TBC1D19: variants seen among roughly 807,000 people sequenced by gnomAD.
The protein encoded by TBC1D19 is TBC1 domain family member 19.
A neutral mutation model predicts 89.0 loss-of-function variants in TBC1D19; 60 were observed. That is an observed-to-expected ratio of 0.67 (90% CI 0.55 to 0.84). The LOEUF (loss-of-function observed/expected upper bound fraction) is 0.84. TBC1D19 is among the 40% of genes least tolerant of loss of function. The pLI is 0.00. For synonymous variants in TBC1D19, 189 were observed against 199.7 expected (o/e 0.95, Z 0.45); for missense variants, 500 against 610.8 (o/e 0.82, Z 1.91).
the TBC1D19 span, among the ~76,000 whole-genome samples, chr4:26,855,505 G>A: frequency 1.3e-5 from 2 of 152,252 alleles, no homozygotes; most frequent in South Asian, 2.1e-4. Flanking sequence ...CAAAAATACC[G>A]GAGTTCCTCA....
In TBC1D19 at chr4:26,655,960, C is replaced by T. The variant is rs182105200; in HGVS notation, c.481-3637C>T. 6.6e-4 allele frequency among the ~76,000 whole-genome samples: 101 copies of T among 152,284 alleles called. 1 individual carries two copies. The highest frequency in any genetic ancestry group is 2.3e-3 in the African/African-American group (94 of 41,566). ...TGCAGAAATCGTTCGTCTTCTGCGT[C>T]GCTCACGCTGGGAGCTGTAGACTGG... On this transcript the variant is annotated intron_variant, in intron 7 of 20. Coordinates refer to ENST00000264866, the MANE Select transcript of TBC1D19 (RefSeq NM_018317.4).
intron 1 of TBC1D19, among the ~76,000 whole-genome samples, chr4:26,605,321 G>A (rs1421519957): frequency 2.0e-5 from 3 of 148,156 alleles, no homozygotes; most frequent in African/African-American, 7.5e-5. Context: ...TTTTGTCCTT[G>A]TGATAGTTTA....
At chr4:26,684,958 A>G (rs1713681458) in intron 12 of TBC1D19, among the ~76,000 whole-genome samples, 1 of 152,188 alleles carries the variant, frequency 6.6e-6, no homozygotes, top group Admixed American at 6.5e-5. Flanking sequence ...AAAAACTTGC[A>G]TTCTGTAAAA....
intron 13 of TBC1D19, among the ~76,000 whole-genome samples, chr4:26,692,453 C>A (rs188542028): frequency 7.9e-5 from 12 of 152,288 alleles, no homozygotes; most frequent in Non-Finnish European, 1.5e-4. Flanking sequence ...GGCTACCACC[C>A]TCACCAGTGT....
chr4:26,768,067 G>T, the TBC1D19 span, among the ~76,000 whole-genome samples: 1 of 152,130 alleles, frequency 6.6e-6, no homozygotes. Flanking sequence ...GAACTCTAAG[G>T]ATCTGCAAAA....
chr4:26,590,827 T>TTTTTTTTTTTTGG (rs1739743499), intron 1 of TBC1D19, among the ~76,000 whole-genome samples: 1 of 124,044 alleles, frequency 8.1e-6, no homozygotes. Context: ...TTTTTTTTTT[T>TTTTTTTTTTTTGG]GTGAGTCAGT....
chr4:26,699,501 T>TC (rs1179860306), intron 13 of TBC1D19, among the ~76,000 whole-genome samples: 2 of 152,276 alleles, frequency 1.3e-5, no homozygotes, highest in Middle Eastern at 3.4e-3. Flanking sequence ...GACCCAGCCG[T>TC]CCCATTACTG....
chr4:26,668,986 TACACACAC>T lies in TBC1D19; in HGVS notation c.664+2609_664+2616del, dbSNP rs3839171. 7.1e-3 allele frequency among the ~76,000 whole-genome samples: 1,044 copies of T among 146,926 alleles called. 8 individuals are homozygous for T. The highest frequency in any genetic ancestry group is 0.014 in the Middle Eastern group (4 of 294). ...ATGCATTGCATTTATTTTAAATACATACACACACACACACACACACACACACACACACA... is the reference window on the plus strand; with the variant it reads ...ATGCATTGCATTTATTTTAAATACATACACACACACACACACACACACACA... On this transcript the variant is annotated intron_variant, in intron 9 of 20. Coordinates refer to ENST00000264866, the MANE Select transcript of TBC1D19 (RefSeq NM_018317.4).
At chr4:26,765,400 C>G in the TBC1D19 span, among the ~76,000 whole-genome samples, 2 of 149,628 alleles carry the variant, frequency 1.3e-5, no homozygotes, top group African/African-American at 5.0e-5. Flanking sequence ...GATTGAAAAA[C>G]CCAGGATTTT....
At chr4:26,823,826 T>C in the TBC1D19 span, among the ~76,000 whole-genome samples, 1 of 152,260 alleles carries the variant, frequency 6.6e-6, no homozygotes, top group Non-Finnish European at 1.5e-5. Context: ...CTAAAGAAAC[T>C]GAAAGCTTGT....
At chr4:26,588,428 T>A (rs974093356) in intron 1 of TBC1D19, among the ~76,000 whole-genome samples, 1 of 152,148 alleles carries the variant, frequency 6.6e-6, no homozygotes, top group Non-Finnish European at 1.5e-5. Context: ...TTTCAATCGC[T>A]CTGATTTTTT....
intron 13 of TBC1D19, among the ~76,000 whole-genome samples, chr4:26,694,083 C>T (rs2109179563): frequency 6.6e-6 from 1 of 152,140 alleles, no homozygotes; most frequent in South Asian, 2.1e-4. Flanking sequence ...CGAGTGTGAG[C>T]CGAAGCAGGG....
chr4:26,816,957 C>G, the TBC1D19 span, among the ~76,000 whole-genome samples: 1,011 of 152,128 alleles, frequency 6.6e-3, 73 homozygotes, highest in East Asian at 0.16. Flanking sequence ...GAGACAAAAC[C>G]GCTGAAAATA....
the TBC1D19 span, among the ~76,000 whole-genome samples, chr4:26,795,494 C>T: frequency 6.6e-6 from 1 of 152,112 alleles, no homozygotes; most frequent in Non-Finnish European, 1.5e-5. Flanking sequence ...CTGTTTTGTT[C>T]ACCATCGTAT....
chr4:26,694,390 G>A (rs1714580769), intron 13 of TBC1D19, among the ~76,000 whole-genome samples: 1 of 152,202 alleles, frequency 6.6e-6, no homozygotes, highest in South Asian at 2.1e-4. Context: ...GGTAAACAAA[G>A]TGACTAGGAA....
intron 13 of TBC1D19, among the ~76,000 whole-genome samples, chr4:26,700,125 C>CTCACCAACAAATTTATAATAGGACTA (rs1715195235): frequency 6.6e-6 from 1 of 151,842 alleles, no homozygotes; most frequent in African/African-American, 2.4e-5. Context: ...GGACAACATG[C>CTCACCAACAAATTTATAATAGGACTA]TCACCAACAA....
At chr4:26,758,407 G>A (rs530241042), downstream of TBC1D19, among the ~76,000 whole-genome samples, 1 of 152,190 alleles carries the variant, frequency 6.6e-6, no homozygotes, top group Admixed American at 6.5e-5. Flanking sequence ...CAAATGCTCT[G>A]ATTTTTCTTT....
At chr4:26,784,469 G>A in the TBC1D19 span, among the ~76,000 whole-genome samples, 1 of 152,178 alleles carries the variant, frequency 6.6e-6, no homozygotes, top group East Asian at 1.9e-4. Context: ...CAGGAGCCCT[G>A]GAGCCCAACC....
intron 1 of TBC1D19, among the ~76,000 whole-genome samples, chr4:26,603,210 A>G (rs1317240055): frequency 1.3e-5 from 2 of 152,224 alleles, no homozygotes; most frequent in African/African-American, 4.8e-5. Flanking sequence ...GAATCGCAAT[A>G]CTTACAGACT....
Sources: gnomAD v4.1 joint callset for allele counts (sites outside exome capture counted in the v4.1 genomes callset) on GRCh38, gnomAD v4.1.1 for gene constraint, MANE v1.5 for transcripts, NCBI Gene and HGNC (gene_info 2026-07-23, HGNC 2026-07-21) for gene names.